Variants in PTPRM observed in about 807,000 individuals in gnomAD.
PTPRM encodes protein tyrosine phosphatase receptor type M, also known as receptor-type tyrosine-protein phosphatase mu.
PTPRM carries 47 observed loss-of-function variants against 186.7 expected under a neutral mutation model. The observed-to-expected ratio is 0.25, with a 90% CI of 0.20 to 0.32. The LOEUF (loss-of-function observed/expected upper bound fraction) is 0.32. Among genes scored for constraint, PTPRM ranks in the 10% least tolerant of loss-of-function variants. The pLI is 1.00. For missense variants in PTPRM, 1,494 were observed against 1,865.0 expected, an observed-to-expected ratio of 0.80 and a Z score of 3.66; for synonymous variants, 668 against 674.9, an observed-to-expected ratio of 0.99 and a Z score of 0.16.
At position 8,258,431 on chromosome 18, in the gene PTPRM, A is replaced by G. The variant is rs561779122; in HGVS notation, c.2754+5017A>G. On this transcript the variant is annotated intron_variant, in intron 19 of 32. Coordinates refer to ENST00000580170, the MANE Select transcript of PTPRM (RefSeq NM_001105244.2). ...GCCCTGAACCCTCACACCCAGCCCT[A>G]GACAAGGGTGTGTTGCACCCCTTGT... Among the ~76,000 whole-genome samples, 14 of 152,286 alleles carry G rather than the reference A, an allele frequency of 9.2e-5. No homozygotes were observed. The South Asian group carries it at 2.7e-3, about 29-fold the overall frequency.
intron 1 of PTPRM, among the ~76,000 whole-genome samples, chr18:7,728,356 A>G (rs1360716400): frequency 6.6e-6 from 1 of 152,200 alleles, no homozygotes; most frequent in Non-Finnish European, 1.5e-5. Flanking sequence ...TAACCTCTAA[A>G]GGAAAGCTCT....
chr18:7,994,436 A>G (rs1176244759), intron 7 of PTPRM, among the ~76,000 whole-genome samples: 2 of 152,194 alleles, frequency 1.3e-5, no homozygotes, highest in Non-Finnish European at 2.9e-5. Flanking sequence ...TAGAAAATCA[A>G]CAAAGAAATA....
At chr18:8,207,466 T>G (rs1006381654) in intron 14 of PTPRM, among the ~76,000 whole-genome samples, 6 of 152,176 alleles carry the variant, frequency 3.9e-5, no homozygotes, top group African/African-American at 1.4e-4. Flanking sequence ...AATGGTGACA[T>G]AAATAAATGA....
chr18:7,696,575 G>A (rs2039848899), intron 1 of PTPRM, among the ~76,000 whole-genome samples: 1 of 152,194 alleles, frequency 6.6e-6, no homozygotes, highest in Admixed American at 6.5e-5. Context: ...TGCATTCTGA[G>A]TATCAGTACA....
At chr18:7,612,390 A>G (rs1339692804) in intron 1 of PTPRM, among the ~76,000 whole-genome samples, 1 of 152,078 alleles carries the variant, frequency 6.6e-6, no homozygotes, top group African/African-American at 2.4e-5. Context: ...GCATCAGATA[A>G]TTTAAGTCTA....
At chr18:7,722,728 A>G (rs1362504787) in intron 1 of PTPRM, among the ~76,000 whole-genome samples, 2 of 152,234 alleles carry the variant, frequency 1.3e-5, no homozygotes, top group South Asian at 2.1e-4. Context: ...AATGTTTACA[A>G]CACATCATAT....
intron 7 of PTPRM, among the ~76,000 whole-genome samples, chr18:8,016,041 G>A (rs2147912476): frequency 6.6e-6 from 1 of 152,214 alleles, no homozygotes; most frequent in East Asian, 1.9e-4. Context: ...ATGAAATTTT[G>A]GAATGAACCT....
intron 2 of PTPRM, among the ~76,000 whole-genome samples, chr18:7,864,379 T>G (rs1182119061): frequency 6.6e-6 from 1 of 152,206 alleles, no homozygotes; most frequent in Non-Finnish European, 1.5e-5. Context: ...TTGTGTAAGG[T>G]GTAAGGAAGG....
intron 1 of PTPRM, among the ~76,000 whole-genome samples, chr18:7,681,635 T>G (rs1263103292): frequency 6.6e-6 from 1 of 152,058 alleles, no homozygotes; most frequent in South Asian, 2.1e-4. Context: ...GGTTCCCAAA[T>G]GCACTGCTGG....
At chr18:7,641,003 A>G (rs2038429762) in intron 1 of PTPRM, among the ~76,000 whole-genome samples, 1 of 152,210 alleles carries the variant, frequency 6.6e-6, no homozygotes, top group African/African-American at 2.4e-5. Flanking sequence ...AATCTGCTAA[A>G]AATTTAGAAT....
intron 1 of PTPRM, among the ~76,000 whole-genome samples, chr18:7,605,756 G>A (rs1334545274): frequency 2.0e-5 from 3 of 152,184 alleles, no homozygotes; most frequent in Non-Finnish European, 4.4e-5. Flanking sequence ...GCAGTCTGAG[G>A]CTGTGGTAGT....
intron 2 of PTPRM, among the ~76,000 whole-genome samples, chr18:7,835,154 G>T (rs1038346890): frequency 6.6e-5 from 9 of 135,756 alleles, no homozygotes. Context: ...GGTTTGGTTT[G>T]TTCTTGCTTT....
intron 5 of PTPRM, 22 bp from the exon 6 acceptor site, chr18:7,949,159 C>A: frequency 6.4e-7 from 1 of 1,556,020 alleles, no homozygotes; most frequent in Non-Finnish European, 8.8e-7. Context: ...TCTTTTTGTC[C>A]TCCCCACCCC....
At chr18:7,639,543 C>T (rs573367064) in intron 1 of PTPRM, among the ~76,000 whole-genome samples, 3 of 152,078 alleles carry the variant, frequency 2.0e-5, no homozygotes, top group Non-Finnish European at 2.9e-5. Flanking sequence ...CCTGCCACCA[C>T]GCCTGGCTGA....
intron 1 of PTPRM, among the ~76,000 whole-genome samples, chr18:7,749,951 G>T (rs1389298920): frequency 6.6e-6 from 1 of 152,158 alleles, no homozygotes; most frequent in Non-Finnish European, 1.5e-5. Context: ...TGGCTTAAGA[G>T]GCCTGCTGTC....
intron 11 of PTPRM, among the ~76,000 whole-genome samples, chr18:8,089,889 G>A (rs1468825659): frequency 1.3e-5 from 2 of 152,138 alleles, no homozygotes; most frequent in Non-Finnish European, 2.9e-5. Flanking sequence ...GATTAGGGAA[G>A]AGTCACAGAA....
intron 1 of PTPRM, among the ~76,000 whole-genome samples, chr18:7,769,042 G>A (rs2042150626): frequency 6.6e-6 from 1 of 152,106 alleles, no homozygotes; most frequent in African/African-American, 2.4e-5. Flanking sequence ...GTCACATACT[G>A]TCATAAGATG....
chr18:8,202,536 C>A (rs1434791973), intron 14 of PTPRM, among the ~76,000 whole-genome samples: 1 of 151,676 alleles, frequency 6.6e-6, no homozygotes, highest in East Asian at 1.9e-4. Flanking sequence ...TAAGATGTTT[C>A]TGTCTGGTTT....
At position 8,387,206 on chromosome 18, in the gene PTPRM, C is replaced by T. The variant is rs376481019; in HGVS notation, c.4179C>T (p.Gly1393=). The T allele has an allele frequency of 9.3e-6, 15 of 1,613,894 alleles. No individual in the cohort carries two copies. The highest frequency in any genetic ancestry group is 4.5e-5 in the East Asian group (2 of 44,886). The change falls in exon 31 of 33, where the codon GGC becomes GGT. Residue 1393 remains glycine, a synonymous_variant. Transcript: ENST00000580170. The part of the protein sequence containing the change: ...QVDKWQEEYN[G]GEGRTVVHCL... ...ACAAGTGGCAAGAGGAGTACAATGGCGGGGAAGGCCGCACGGTTGTGCACT... is the reference window on the plus strand; with the variant it reads ...ACAAGTGGCAAGAGGAGTACAATGGTGGGGAAGGCCGCACGGTTGTGCACT...
Sources: allele counts gnomAD v4.1 joint callset (sites outside exome capture counted in the v4.1 genomes callset), GRCh38; gene constraint gnomAD v4.1.1; transcripts MANE v1.5; gene names NCBI Gene and HGNC (gene_info 2026-07-23, HGNC 2026-07-21).